SIRPG: variants seen among roughly 807,000 people sequenced by gnomAD.
The protein encoded by SIRPG is signal-regulatory protein gamma.
In SIRPG, 38 loss-of-function variants were observed where a neutral mutation model predicts 35.7. That is an observed-to-expected ratio of 1.06 (90% CI 0.82 to 1.40). The LOEUF is 1.40. Ranked by LOEUF, SIRPG falls within the 40% of genes most tolerant of loss-of-function variation. SIRPG has a pLI of 0.00. For synonymous variants in SIRPG, 215 were observed against 190.4 expected (o/e 1.13, Z -1.06); for missense variants, 519 against 483.0 (o/e 1.07, Z -0.70).
At chr20:1,641,978 C>A (rs1224362381) in intron 2 of SIRPG, among the ~76,000 whole-genome samples, 1 of 152,120 alleles carries the variant, frequency 6.6e-6, no homozygotes, top group African/African-American at 2.4e-5. Flanking sequence ...GATTTCCGTT[C>A]TTTTGCATTT....
chr20:1,679,880 C>T, the SIRPG span, among the ~76,000 whole-genome samples: 1 of 152,116 alleles, frequency 6.6e-6, no homozygotes, highest in Non-Finnish European at 1.5e-5. Flanking sequence ...TTGTACTCTG[C>T]TTTCTTCAGC....
At chr20:1,672,258 T>C in the SIRPG span, among the ~76,000 whole-genome samples, 5 of 152,350 alleles carry the variant, frequency 3.3e-5, no homozygotes, top group South Asian at 1.0e-3. Context: ...CACAGTTCTA[T>C]CTTTAACCCA....
intron 4 of SIRPG, among the ~76,000 whole-genome samples, chr20:1,631,931 C>T (rs985857386): frequency 5.9e-5 from 9 of 152,152 alleles, no homozygotes; most frequent in South Asian, 2.1e-4. Flanking sequence ...TAAGGTTCAG[C>T]GTGAAAGCAA....
the SIRPG span, among the ~76,000 whole-genome samples, chr20:1,668,188 T>TTTTTC: frequency 7.9e-5 from 5 of 63,518 alleles, no homozygotes; most frequent in South Asian, 9.5e-4. Flanking sequence ...TCTTTCTTTC[T>TTTTTC]TTTTCTTTTC....
chr20:1,683,837 C>T, the SIRPG span, among the ~76,000 whole-genome samples: 10 of 151,946 alleles, frequency 6.6e-5, no homozygotes, highest in South Asian at 2.1e-4. Context: ...GGCATGGTGG[C>T]GGACATCTGT....
chr20:1,659,713 C>T (rs558281209), upstream of SIRPG, among the ~76,000 whole-genome samples: 2 of 152,334 alleles, frequency 1.3e-5, no homozygotes, highest in South Asian at 4.1e-4. Flanking sequence ...CCACACTCCA[C>T]AGCCTTCACT....
At chr20:1,642,245 C>G (rs1329392113) in intron 2 of SIRPG, among the ~76,000 whole-genome samples, 2 of 152,184 alleles carry the variant, frequency 1.3e-5, no homozygotes, top group African/African-American at 4.8e-5. Context: ...TTGTAGGTCT[C>G]TAAGAACTTG....
At chr20:1,672,310 A>C in the SIRPG span, among the ~76,000 whole-genome samples, 1 of 152,182 alleles carries the variant, frequency 6.6e-6, no homozygotes, top group African/African-American at 2.4e-5. Flanking sequence ...GTATTTATGA[A>C]TTTGTTCCAT....
the SIRPG span, chr20:1,670,823 G>A: frequency 5.4e-6 from 1 of 184,118 alleles, no homozygotes; most frequent in Non-Finnish European, 1.1e-5. Flanking sequence ...AAGCCAGAGA[G>A]GAGGAGCAGG....
At chr20:1,670,946 C>A in the SIRPG span, 1 of 348,958 alleles carries the variant, frequency 2.9e-6, no homozygotes, top group East Asian at 9.4e-5. Flanking sequence ...ATGTGGGCCA[C>A]CTCGCAGATG....
At chr20:1,638,219 G>A (rs1331335045) in intron 2 of SIRPG, among the ~76,000 whole-genome samples, 1 of 152,172 alleles carries the variant, frequency 6.6e-6, no homozygotes, top group Non-Finnish European at 1.5e-5. Flanking sequence ...GTCCCTTATA[G>A]GACCAGGGTC....
At position 1,636,400 on chromosome 20, in the gene SIRPG, G is replaced by T. The variant is rs766150112; in HGVS notation, c.536C>A (p.Thr179Asn). 8.1e-5 allele frequency: 130 copies of T among 1,614,074 alleles called. No individual in the cohort carries two copies. The highest frequency in any genetic ancestry group is 1.1e-4 in the Non-Finnish European group (127 of 1,180,044). The change falls in exon 3 of 6, where the codon ACC (threonine) becomes AAC (asparagine). Residue 179 changes from threonine (T) to asparagine (N), a missense_variant. Physicochemically the swap from Thr to Asn is moderately conservative, Grantham distance 65. Transcript: ENST00000303415. ...ATTCCCATTTTTGAACCATTTCAGG[G>T]TGATGTCTCTGGGAGAGAAGCCATG... is the stretch of plus-strand genomic sequence containing the variant. ...ESHGFSPRDI[T>N]LKWFKNGNEL...
At chr20:1,663,079 C>T in the SIRPG span, among the ~76,000 whole-genome samples, 1 of 152,020 alleles carries the variant, frequency 6.6e-6, no homozygotes, top group Admixed American at 6.6e-5. Flanking sequence ...GTTGGGAGGC[C>T]AAAGCGGGCG....
chr20:1,673,942 C>T, the SIRPG span, among the ~76,000 whole-genome samples: 1 of 152,188 alleles, frequency 6.6e-6, no homozygotes, highest in Non-Finnish European at 1.5e-5. Context: ...AGGACTTAGA[C>T]CAGGCTTCTC....
the SIRPG span, among the ~76,000 whole-genome samples, chr20:1,683,075 T>C: frequency 6.6e-6 from 1 of 152,142 alleles, no homozygotes; most frequent in Non-Finnish European, 1.5e-5. Context: ...ACTCAATTAA[T>C]ATATGGGCCA....
chr20:1,662,503 G>A (rs1403823637), upstream of SIRPG, among the ~76,000 whole-genome samples: 1 of 152,134 alleles, frequency 6.6e-6, no homozygotes, highest in African/African-American at 2.4e-5. Flanking sequence ...CAAGACAAAG[G>A]CAAGCACTGT....
At chr20:1,678,938 A>G in the SIRPG span, among the ~76,000 whole-genome samples, 1 of 152,242 alleles carries the variant, frequency 6.6e-6, no homozygotes, top group East Asian at 1.9e-4. Context: ...TGATATGTTT[A>G]AAATGCTGAA....
At chr20:1,684,306 ATTTCT>A in the SIRPG span, among the ~76,000 whole-genome samples, 9 of 152,296 alleles carry the variant, frequency 5.9e-5, no homozygotes, top group South Asian at 1.9e-3. Context: ...AATAAAATAC[ATTTCT>A]TTTCTGAGAC....
Position 1,636,273 on chromosome 20 carries a change from G to A in SIRPG, c.663C>T (p.Arg221=), listed in dbSNP as rs2091800334. 6.2e-7 allele frequency: 1 copy of A among 1,614,238 alleles called. No homozygotes were observed. The highest frequency in any genetic ancestry group is 8.5e-7 in the Non-Finnish European group (1 of 1,180,038). Residue 221 remains arginine, a synonymous_variant, in exon 3 of 6, where the codon CGC becomes CGT. Coordinates refer to ENST00000303415, the MANE Select transcript of SIRPG (RefSeq NM_018556.4). ...GGGCCACCTCGCAGATGACCTGAGA[G>A]CGAACGTCCCAGGGGTCCAGTACCA... ...ARVVLDPWDV[R]SQVICEVAHV...
Sources: allele counts gnomAD v4.1 joint callset (sites outside exome capture counted in the v4.1 genomes callset), GRCh38; gene constraint gnomAD v4.1.1; transcripts MANE v1.5; gene names NCBI Gene and HGNC (gene_info 2026-07-23, HGNC 2026-07-21).